MYO3B: variants seen among roughly 807,000 people sequenced by gnomAD.
The protein encoded by MYO3B is myosin-IIIb.
Under a neutral mutation model 174.6 loss-of-function variants are expected in MYO3B, and 156 were observed. That is an observed-to-expected ratio of 0.89 (90% confidence interval 0.78 to 1.02). MYO3B has a LOEUF of 1.02. MYO3B is among the 50% of genes least tolerant of loss of function. The pLI is 0.00. For missense variants in MYO3B, 1,632 were observed against 1,639.4 expected (o/e 1.00, Z 0.08); for synonymous variants, 563 against 569.1 (o/e 0.99, Z 0.15).
rs778078236 is a variant in MYO3B, at chr2:170,387,321, C to CT, written c.1577+16dup. 6.2e-7 allele frequency: 1 copy of CT among 1,611,564 alleles called. No individual in the cohort carries two copies. Among genetic ancestry groups the CT allele is most frequent in the Non-Finnish European group, 8.5e-7 (1 of 1,178,056 alleles). On this transcript the variant is annotated intron_variant, in intron 14 of 34. Transcript: ENST00000408978. The stretch of plus-strand genomic sequence containing the variant: ...TAAAACAGGCAGCGTAGGTGCACTA[C>CT]TTTATCACTGTGTTTTTGCCCTGCA...
At chr2:170,402,819 A>G (rs747340865) in intron 18 of MYO3B, 29 bp from the exon 19 acceptor site, 1 of 1,574,180 alleles carries the variant, frequency 6.4e-7, no homozygotes, top group Admixed American at 1.7e-5. Flanking sequence ...TTCCTCCCCT[A>G]AAGAGTTTTG....
intron 23 of MYO3B, among the ~76,000 whole-genome samples, chr2:170,452,746 A>C (rs911413277): frequency 2.6e-5 from 4 of 152,208 alleles, no homozygotes; most frequent in African/African-American, 9.6e-5. Flanking sequence ...TATTTACAAG[A>C]TTTAGAATCT....
At chr2:170,646,911 T>A in intron 32 of MYO3B, 1 of 1,360,384 alleles carries the variant, frequency 7.4e-7, no homozygotes, top group Non-Finnish European at 9.8e-7. Flanking sequence ...CGCCTCAGCC[T>A]TTCCACATTA....
At chr2:170,207,438 C>G (rs966948342) in intron 3 of MYO3B, among the ~76,000 whole-genome samples, 2 of 152,014 alleles carry the variant, frequency 1.3e-5, no homozygotes, top group African/African-American at 2.4e-5. Context: ...AGTCTTGAGG[C>G]CTTTTATGTT....
Position 170,651,610 on chromosome 2 carries a change from G to A in MYO3B, c.3734-18G>A. The stretch of plus-strand genomic sequence containing the variant: ...AACACCTCGGACAGTTTACAGCAAA[G>A]TTTTGCTCTTTTTTCAGGTTCAGAA... On this transcript the variant is annotated intron_variant, in intron 32 of 34. Coordinates refer to ENST00000408978, the MANE Select transcript of MYO3B (RefSeq NM_138995.5). 6.2e-6 allele frequency: 10 copies of A among 1,612,052 alleles called. No homozygotes were observed. Among genetic ancestry groups the A allele is most frequent in the Non-Finnish European group, 8.5e-6 (10 of 1,178,116 alleles).
rs1361575874 is a variant in MYO3B, at chr2:170,651,698, T to C, written c.3804T>C (p.Ser1268=). 1 of 1,613,958 alleles carries C rather than the reference T, an allele frequency of 6.2e-7. No homozygotes were observed. Among genetic ancestry groups the C allele is most frequent in the Non-Finnish European group, 8.5e-7 (1 of 1,179,990 alleles). ...GATGTCAGCAGCCCAAAATGCTGAG[T>C]AGCCCTGAGGACACCATGTACTATA... The part of the protein sequence containing the change: ...RRRCQQPKML[S]SPEDTMYYNQ... Residue 1268 remains serine, a synonymous_variant, in exon 33 of 35, where the codon AGT becomes AGC. Transcript: ENST00000408978.
chr2:170,413,972 G>A (rs937197914), intron 22 of MYO3B, among the ~76,000 whole-genome samples: 14 of 151,778 alleles, frequency 9.2e-5, no homozygotes, highest in Non-Finnish European at 1.9e-4. Flanking sequence ...CCTGGGAGGC[G>A]GAGGTTGCAG....
At chr2:170,381,923 C>A in intron 9 of MYO3B, 93 bp from the exon 10 acceptor site, 3 of 1,021,818 alleles carry the variant, frequency 2.9e-6, no homozygotes, top group Non-Finnish European at 4.5e-6. Flanking sequence ...GAACATATCA[C>A]GTGATAAGAT....
At chr2:170,380,538 C>T (rs568884021) in intron 9 of MYO3B, among the ~76,000 whole-genome samples, 1 of 152,250 alleles carries the variant, frequency 6.6e-6, no homozygotes, top group Non-Finnish European at 1.5e-5. Context: ...CTCTTCTAGC[C>T]AATGCTTTCC....
intron 22 of MYO3B, among the ~76,000 whole-genome samples, chr2:170,423,942 A>G (rs985944082): frequency 6.6e-6 from 1 of 152,158 alleles, no homozygotes; most frequent in African/African-American, 2.4e-5. Context: ...GTTCCATATT[A>G]TCAGTACTGA....
At position 170,203,450 on chromosome 2, in the gene MYO3B, G is replaced by A. The variant is rs567132799; in HGVS notation, c.321+3166G>A. 2.3e-3 allele frequency among the ~76,000 whole-genome samples: 294 copies of A among 129,720 alleles called. 2 individuals are homozygous for A. The highest frequency in any genetic ancestry group is 4.7e-3 in the Middle Eastern group (1 of 214). The allele number at this position is 129,720 out of a possible 152,430, so 85.1% of individuals were successfully genotyped here. A position where few individuals can be genotyped will look rare whatever the true frequency, so the allele number is the denominator to read the frequency against. On this transcript the variant is annotated intron_variant, in intron 3 of 34. Transcript: ENST00000408978. ...TCTTTTTTTTCCCTTCAGAGATCTC[G>A]GTATAAGTTCAGTATCTAATATGTA...
intron 7 of MYO3B, among the ~76,000 whole-genome samples, chr2:170,315,937 A>C (rs2093772511): frequency 1.3e-5 from 2 of 152,240 alleles, no homozygotes; most frequent in Non-Finnish European, 2.9e-5. Flanking sequence ...GGAAAAAATC[A>C]CATTCTTTGT....
rs151025770 is a variant in MYO3B at position 170,295,040 on chromosome 2, A to G, written c.750-40345A>G. On this transcript the variant is annotated intron_variant, in intron 7 of 34. Transcript: ENST00000408978. ...TTTCAATTTTTAAAAGTACAGAACT[A>G]TTATTACTGATGAATGGTTACCTTT... Among the ~76,000 whole-genome samples the G allele has an allele frequency of 1.5e-4, 23 of 152,190 alleles. No individual in the cohort carries two copies. In the East Asian group the frequency reaches 3.9e-3, roughly 25 times the overall value.
intron 6 of MYO3B, among the ~76,000 whole-genome samples, chr2:170,233,813 G>A (rs1409536319): frequency 6.6e-6 from 1 of 152,150 alleles, no homozygotes; most frequent in Non-Finnish European, 1.5e-5. Flanking sequence ...ACTGTTTCTG[G>A]AAGAGAGCAG....
At chr2:170,301,057 C>T (rs544009533) in intron 7 of MYO3B, among the ~76,000 whole-genome samples, 1 of 152,282 alleles carries the variant, frequency 6.6e-6, no homozygotes, top group East Asian at 1.9e-4. Flanking sequence ...GGCATCCCAG[C>T]CCAGGATATA....
chr2:170,217,237 G>A, intron 5 of MYO3B, 82 bp from the exon 6 acceptor site: 1 of 1,187,048 alleles, frequency 8.4e-7, no homozygotes, highest in South Asian at 1.2e-5. Context: ...TACTTATTTG[G>A]CCTTTGTGGA....
At chr2:170,199,723 C>T (rs941977541) in intron 2 of MYO3B, among the ~76,000 whole-genome samples, 2 of 152,202 alleles carry the variant, frequency 1.3e-5, no homozygotes, top group African/African-American at 4.8e-5. Context: ...TCATCTTACG[C>T]TGACATCTTA....
intron 32 of MYO3B, among the ~76,000 whole-genome samples, chr2:170,613,158 G>C (rs2105299266): frequency 6.6e-6 from 1 of 152,246 alleles, no homozygotes; most frequent in South Asian, 2.1e-4. Flanking sequence ...ACCAACACTA[G>C]ATCATCTCTA....
chr2:170,245,818 A>G (rs570749608), intron 7 of MYO3B, among the ~76,000 whole-genome samples: 1 of 152,356 alleles, frequency 6.6e-6, no homozygotes, highest in South Asian at 2.1e-4. Flanking sequence ...CTTGATATAG[A>G]TAAGAATATC....
Sources: allele counts gnomAD v4.1 joint callset (sites outside exome capture counted in the v4.1 genomes callset), GRCh38; gene constraint gnomAD v4.1.1; transcripts MANE v1.5; gene names NCBI Gene and HGNC (gene_info 2026-07-23, HGNC 2026-07-21).